The following TTLL9 variants were observed in gnomAD, a reference collection of about 807,000 sequenced individuals.
TTLL9 encodes probable tubulin polyglutamylase TTLL9.
TTLL9 carries 47 observed loss-of-function variants against 65.6 expected under a neutral mutation model. The ratio of observed to expected loss-of-function variants is 0.72; its 90% CI spans 0.57 to 0.91. The LOEUF is 0.91. Ranked by LOEUF, TTLL9 falls within the 40% of genes least tolerant of loss-of-function variation. The pLI, the probability that TTLL9 is intolerant of heterozygous loss-of-function variation, is 0.00. For missense variants in TTLL9, 537 were observed against 568.8 expected (o/e 0.94, Z 0.57); for synonymous variants, 179 against 204.8 (o/e 0.87, Z 1.07).
intron 2 of TTLL9, among the ~76,000 whole-genome samples, chr20:31,881,769 A>C (rs539634791): frequency 3.5e-4 from 54 of 152,234 alleles, no homozygotes; most frequent in Admixed American, 9.8e-4. Context: ...AAAAGAAAAC[A>C]AACATCTACT....
intron 14 of TTLL9, 107 bp from the exon 15 acceptor site, chr20:31,942,838 T>A (rs1452512751): frequency 5.7e-6 from 6 of 1,054,284 alleles, no homozygotes; most frequent in Non-Finnish European, 8.7e-6. Flanking sequence ...CTGTGTGTGG[T>A]TGTCTGACTC....
At chr20:31,921,990 C>T (rs750094385) in intron 7 of TTLL9, among the ~76,000 whole-genome samples, 5 of 151,884 alleles carry the variant, frequency 3.3e-5, no homozygotes, top group East Asian at 1.9e-4. Flanking sequence ...AATTGTGGGT[C>T]GGGCGTGGTG....
chr20:31,898,525 G>A lies in TTLL9; in HGVS notation c.166G>A (p.Asp56Asn), dbSNP rs772063026. ...FKTTLMNTLM[D>N]VLRHRPGWVE... is the part of the protein sequence containing the mutation. ...GACCACCCTCATGAACACACTCATGGACGTCCTTCGCCACAGGCCAGGATG... is the reference window on the plus strand; with the variant it reads ...GACCACCCTCATGAACACACTCATGAACGTCCTTCGCCACAGGCCAGGATG... The change falls in exon 4 of 15, where the codon GAC becomes AAC. Residue 56 changes from aspartate (D) to asparagine (N), a missense_variant. Coordinates refer to ENST00000535842, the MANE Select transcript of TTLL9 (RefSeq NM_001008409.5). 147 of 1,614,076 alleles carry A rather than the reference G, an allele frequency of 9.1e-5. No individual in the cohort carries two copies. Among genetic ancestry groups the A allele is most frequent in the Non-Finnish European group, 1.1e-4 (135 of 1,180,038 alleles).
chr20:31,922,331 T>G (rs1473380927), intron 7 of TTLL9, among the ~76,000 whole-genome samples: 2 of 152,208 alleles, frequency 1.3e-5, no homozygotes, highest in Non-Finnish European at 2.9e-5. Context: ...CTTTTAAGTG[T>G]GTGGCTTTAT....
intron 3 of TTLL9, among the ~76,000 whole-genome samples, chr20:31,893,432 A>T (rs2063336355): frequency 6.7e-6 from 1 of 150,302 alleles, no homozygotes; most frequent in South Asian, 2.1e-4. Context: ...CTGGGATTAC[A>T]GGTACCCGCC....
intron 10 of TTLL9, among the ~76,000 whole-genome samples, chr20:31,931,227 G>A (rs988734618): frequency 5.3e-5 from 8 of 151,518 alleles, no homozygotes; most frequent in East Asian, 3.9e-4. Context: ...CCACAGGCAC[G>A]CACCACCATG....
chr20:31,924,204 C>T (rs890488235), intron 8 of TTLL9, among the ~76,000 whole-genome samples: 9 of 152,152 alleles, frequency 5.9e-5, no homozygotes, highest in Admixed American at 5.9e-4. Flanking sequence ...CGCCCGCCCC[C>T]TCACTGGTGC....
intron 5 of TTLL9, among the ~76,000 whole-genome samples, chr20:31,909,211 T>C (rs768052781): frequency 7.4e-5 from 11 of 148,120 alleles, no homozygotes; most frequent in Non-Finnish European, 1.2e-4. Context: ...TCTCGGCTCA[T>C]TGCAACCTCT....
chr20:31,895,394 C>G (rs1186108920), intron 3 of TTLL9, among the ~76,000 whole-genome samples: 1 of 152,146 alleles, frequency 6.6e-6, no homozygotes, highest in Non-Finnish European at 1.5e-5. Flanking sequence ...TAGCTGCTAG[C>G]TGCCCTTGTG....
chr20:31,875,893 C>T (rs776793928), intron 2 of TTLL9, among the ~76,000 whole-genome samples: 2 of 152,192 alleles, frequency 1.3e-5, no homozygotes, highest in African/African-American at 4.8e-5. Context: ...TGTTTTGACA[C>T]GCAGGGATAC....
intron 4 of TTLL9, among the ~76,000 whole-genome samples, chr20:31,907,993 G>A (rs532197634): frequency 6.6e-6 from 1 of 152,278 alleles, no homozygotes; most frequent in East Asian, 1.9e-4. Context: ...CCCTGGCATG[G>A]TGGTGGAGAA....
chr20:31,910,712 A>G (rs892471410), intron 6 of TTLL9, among the ~76,000 whole-genome samples: 2 of 152,218 alleles, frequency 1.3e-5, no homozygotes, highest in African/African-American at 4.8e-5. Flanking sequence ...CATAGTAAGT[A>G]CTCAATAAAT....
chr20:31,887,350 T>C, intron 3 of TTLL9, 111 bp downstream of exon 3: 1 of 1,228,598 alleles, frequency 8.1e-7, no homozygotes, highest in South Asian at 1.3e-5. Flanking sequence ...ATGAAAATGA[T>C]AGTAGAAGGA....
chr20:31,911,831 CGTGTGTGTGTGTGTGTGTGTGTGTGT>C (rs55996863), intron 6 of TTLL9, among the ~76,000 whole-genome samples: 30 of 142,228 alleles, frequency 2.1e-4, no homozygotes, highest in Non-Finnish European at 4.0e-4. Context: ...TGTGTCTGTG[CGTGTGTGTGTGTGTGTGTGTGTGTGT>C]GTGTGTGTGT....
In TTLL9 at chr20:31,879,955, G is replaced by A. The variant is rs2063088527; in HGVS notation, c.70-7241G>A. 1.1e-5 allele frequency: 15 copies of A among 1,388,842 alleles called. No individual in the cohort carries two copies. The South Asian group carries it at 1.8e-4, about 17-fold the overall frequency. 86.0% of individuals were successfully genotyped at this position (1,388,842 alleles called of 1,614,324 possible). A position where few individuals can be genotyped will look rare whatever the true frequency, so the allele number is the denominator to read the frequency against. On this transcript the variant is annotated intron_variant, in intron 2 of 14. Coordinates refer to ENST00000535842, the MANE Select transcript of TTLL9 (RefSeq NM_001008409.5). ...GTCCCTAGAAAAAGGGAGGAAAGCA[G>A]CAGAGGGATTCAAAATCGGTTGGGG...
At chr20:31,893,569 G>A (rs2063338593) in intron 3 of TTLL9, among the ~76,000 whole-genome samples, 1 of 151,930 alleles carries the variant, frequency 6.6e-6, no homozygotes, top group Admixed American at 6.6e-5. Flanking sequence ...GGGATTACAG[G>A]CGTAAGCCAC....
intron 6 of TTLL9, among the ~76,000 whole-genome samples, chr20:31,917,918 C>G (rs78124898): frequency 0.011 from 1,665 of 152,238 alleles, 32 homozygotes; most frequent in African/African-American, 0.038. Flanking sequence ...TTATTAGAGG[C>G]TTGGACTGCT....
chr20:31,899,843 C>T (rs945129885), intron 4 of TTLL9, among the ~76,000 whole-genome samples: 1 of 151,942 alleles, frequency 6.6e-6, no homozygotes, highest in African/African-American at 2.4e-5. Flanking sequence ...CGGCTCACTG[C>T]AAGCTCCACC....
At chr20:31,890,146 C>CTTTCTTTCTTTCTTTCTTTCTTTCT (rs1568753458) in intron 3 of TTLL9, among the ~76,000 whole-genome samples, 3 of 18,954 alleles carry the variant, frequency 1.6e-4, no homozygotes, top group East Asian at 1.2e-3. Context: ...TCCTTCCTTC[C>CTTTCTTTCTTTCTTTCTTTCTTTCT]TTCCTTCCTT....
Sources: allele counts gnomAD v4.1 joint callset (sites outside exome capture counted in the v4.1 genomes callset), GRCh38; gene constraint gnomAD v4.1.1; transcripts MANE v1.5; gene names NCBI Gene and HGNC (gene_info 2026-07-23, HGNC 2026-07-21).